Variants in WDR1 observed in about 807,000 individuals in gnomAD.
WDR1 encodes the protein WD repeat-containing protein 1.
A neutral mutation model predicts 71.9 loss-of-function variants in WDR1; 21 were observed. That is an observed-to-expected ratio of 0.29 (90% confidence interval 0.21 to 0.42). The LOEUF (loss-of-function observed/expected upper bound fraction) is 0.42. Ranked by LOEUF, WDR1 falls within the 10% of genes least tolerant of loss-of-function variation. The pLI is 1.00. For synonymous variants in WDR1, 424 were observed against 347.4 expected (o/e 1.22, Z -2.45); for missense variants, 696 against 824.5 (o/e 0.84, Z 1.91).
chr4:10,081,376 A>G lies in WDR1; in HGVS notation c.1265T>C (p.Val422Ala), dbSNP rs980538843. ...CCCTACCTGTCCAATGCACACGACC[A>G]CGGCGTATCCCCCGGGGCCGACGGC... ...CVAVGPGGYA[V>A]VVCIGQIVLL... Residue 422 changes from valine (V) to alanine (A), a missense_variant, in exon 11 of 15, where the codon GTG becomes GCG. Val to Ala is a moderately conservative substitution (Grantham distance 64, BLOSUM62 0). Coordinates refer to ENST00000499869, the MANE Select transcript of WDR1 (RefSeq NM_017491.5). 6.2e-7 allele frequency: 1 copy of G among 1,613,892 alleles called. No homozygotes were observed. The highest frequency in any genetic ancestry group is 8.5e-7 in the Non-Finnish European group (1 of 1,179,856).
At chr4:10,115,203 A>G (rs1405431605) in intron 2 of WDR1, among the ~76,000 whole-genome samples, 2 of 152,082 alleles carry the variant, frequency 1.3e-5, no homozygotes, top group African/African-American at 4.8e-5. Context: ...TCCAACTCCC[A>G]CCCCACCAAT....
At position 10,112,745 on chromosome 4, in the gene WDR1, A is replaced by G. The variant is rs937771454; in HGVS notation, c.138+3368T>C. On this transcript the variant is annotated intron_variant, in intron 2 of 14. Transcript: ENST00000499869. Reference sequence around the variant, plus strand: ...TGCAGTAAGACCTCAGTGGCTGCCTATTATCTTCACGACACAGCCTGGTTT... The same window carrying G: ...TGCAGTAAGACCTCAGTGGCTGCCTGTTATCTTCACGACACAGCCTGGTTT... Among the ~76,000 whole-genome samples, 5 of 152,196 alleles carry G rather than the reference A, an allele frequency of 3.3e-5. No individual in the cohort carries two copies. In the East Asian group the frequency reaches 9.6e-4, roughly 29 times the overall value.
At position 10,087,604 on chromosome 4, in the gene WDR1, C is replaced by T. The variant is rs185010352; in HGVS notation, c.951+103G>A. 1.2e-4 allele frequency: 136 copies of T among 1,178,998 alleles called. No individual in the cohort carries two copies. In the African/African-American group the frequency reaches 1.9e-3, roughly 16 times the overall value. 73.0% of individuals were successfully genotyped at this position (1,178,998 alleles called of 1,614,324 possible). ...GCCAAGGAGGCCTGAGGACACCTCTCTAGCTTCCACCTGGCTTCCCCTCGG... is the reference window on the plus strand; with the variant it reads ...GCCAAGGAGGCCTGAGGACACCTCTTTAGCTTCCACCTGGCTTCCCCTCGG... On this transcript the variant is annotated intron_variant, in intron 8 of 14. Transcript: ENST00000499869.
intron 3 of WDR1, among the ~76,000 whole-genome samples, chr4:10,100,441 G>T (rs1712618644): frequency 6.6e-6 from 1 of 152,252 alleles, no homozygotes. Flanking sequence ...TTACGAGTCA[G>T]GTGGAACGAG....
At chr4:10,086,828 T>C (rs1307545134) in intron 8 of WDR1, among the ~76,000 whole-genome samples, 2 of 152,198 alleles carry the variant, frequency 1.3e-5, no homozygotes, top group Non-Finnish European at 2.9e-5. Context: ...TCACCCACCC[T>C]GGGCCACCAG....
At chr4:10,080,297 C>T (rs1764961311) in intron 11 of WDR1, among the ~76,000 whole-genome samples, 1 of 152,172 alleles carries the variant, frequency 6.6e-6, no homozygotes, top group African/African-American at 2.4e-5. Context: ...ATCCCCTCAC[C>T]CACAAAGCCC....
At chr4:10,080,122 C>A (rs1444219279) in intron 11 of WDR1, among the ~76,000 whole-genome samples, 1 of 152,216 alleles carries the variant, frequency 6.6e-6, no homozygotes, top group Non-Finnish European at 1.5e-5. Flanking sequence ...CCCCTGCACA[C>A]CACAACCCTA....
At chr4:10,091,819 T>A (rs1385822269) in intron 5 of WDR1, 1 of 152,272 alleles carries the variant, frequency 6.6e-6, no homozygotes, top group Non-Finnish European at 1.5e-5. Context: ...AGGGTCCACA[T>A]TCCCTGTGTC....
At position 10,108,888 on chromosome 4, in the gene WDR1, A is replaced by G. The variant is rs556884812; in HGVS notation, c.139-4902T>C. ...TGACTCCCACCCCACTGCCCTCACT[A>G]CTTTCCACCTTGGACTACACATCAT... On this transcript the variant is annotated intron_variant, in intron 2 of 14. Coordinates refer to ENST00000499869, the MANE Select transcript of WDR1 (RefSeq NM_017491.5). Among the ~76,000 whole-genome samples the G allele has an allele frequency of 2.0e-5, 3 of 151,910 alleles. No individual in the cohort carries two copies. The East Asian group carries it at 5.8e-4, about 29-fold the overall frequency.
intron 4 of WDR1, among the ~76,000 whole-genome samples, chr4:10,098,293 A>AT (rs1238623199): frequency 6.6e-6 from 1 of 152,218 alleles, no homozygotes; most frequent in Non-Finnish European, 1.5e-5. Context: ...TTTAGTTACT[A>AT]TTTGCTACTG....
intron 9 of WDR1, among the ~76,000 whole-genome samples, chr4:10,084,200 G>T (rs917746281): frequency 1.1e-4 from 17 of 152,220 alleles, no homozygotes; most frequent in Non-Finnish European, 2.2e-4. Context: ...GACTGATCAG[G>T]TCGGAGCCGC....
At position 10,106,292 on chromosome 4, in the gene WDR1, C is replaced by A. The variant is rs533527906; in HGVS notation, c.139-2306G>T. 4 of 152,380 alleles carry A rather than the reference C, an allele frequency of 2.6e-5. No individual in the cohort carries two copies. The South Asian group carries it at 8.3e-4, about 32-fold the overall frequency. 9.4% of individuals were successfully genotyped at this position (152,380 alleles called of 1,614,324 possible). A position where few individuals can be genotyped will look rare whatever the true frequency, so the allele number is the denominator to read the frequency against. On this transcript the variant is annotated intron_variant, in intron 2 of 14. Coordinates refer to ENST00000499869, the MANE Select transcript of WDR1 (RefSeq NM_017491.5). ...AAGATGCTGGCTATTTATTAAATGT[C>A]TGCCCAATCCAACCCTCTCCCACTC... is the stretch of plus-strand genomic sequence containing the variant.
At chr4:10,115,979 C>A in intron 2 of WDR1, 134 bp downstream of exon 2, 3 of 1,272,204 alleles carry the variant, frequency 2.4e-6, no homozygotes, top group Non-Finnish European at 2.2e-6. Flanking sequence ...AGGTGTGGCT[C>A]CCGGTAGAGG....
At chr4:10,113,344 G>A (rs1020394618) in intron 2 of WDR1, among the ~76,000 whole-genome samples, 8 of 152,316 alleles carry the variant, frequency 5.3e-5, no homozygotes, top group Non-Finnish European at 1.2e-4. Flanking sequence ...TTGGGCGACA[G>A]TAAGCCTCCA....
chr4:10,108,391 G>C (rs1024530925), intron 2 of WDR1: 3 of 152,194 alleles, frequency 2.0e-5, no homozygotes, highest in Non-Finnish European at 4.4e-5. Flanking sequence ...GAAGGTTGGA[G>C]ATACCTGCCC....
chr4:10,080,348 G>C (rs941478288), intron 11 of WDR1, among the ~76,000 whole-genome samples: 10 of 137,614 alleles, frequency 7.3e-5, no homozygotes, highest in Non-Finnish European at 1.6e-4. Flanking sequence ...CTGCTGTGCA[G>C]AGATAGGCCA....
At chr4:10,087,317 C>G (rs1269370814) in intron 8 of WDR1, among the ~76,000 whole-genome samples, 2 of 152,274 alleles carry the variant, frequency 1.3e-5, no homozygotes, top group South Asian at 4.1e-4. Flanking sequence ...GTCACCTGCC[C>G]TGGTGCTCAG....
chr4:10,114,065 C>T (rs79157553), intron 2 of WDR1, among the ~76,000 whole-genome samples: 1 of 152,146 alleles, frequency 6.6e-6, no homozygotes, highest in African/African-American at 2.4e-5. Flanking sequence ...GAGTACTTTG[C>T]CCTAAAAAAA....
intron 3 of WDR1, among the ~76,000 whole-genome samples, chr4:10,102,656 A>G (rs1712746109): frequency 6.6e-6 from 1 of 152,230 alleles, no homozygotes; most frequent in Admixed American, 6.5e-5. Flanking sequence ...AGCACAAAGC[A>G]GAGTAAGACA....
Sources: allele counts gnomAD v4.1 joint callset (sites outside exome capture counted in the v4.1 genomes callset), GRCh38; gene constraint gnomAD v4.1.1; transcripts MANE v1.5; gene names NCBI Gene and HGNC (gene_info 2026-07-23, HGNC 2026-07-21).